Variants in LRRIQ3 observed in about 807,000 individuals in gnomAD.
LRRIQ3 encodes leucine rich repeats and IQ motif containing 3.
In LRRIQ3, 75 loss-of-function variants were observed where a neutral mutation model predicts 59.3. That is an observed-to-expected ratio of 1.26 (90% CI 1.05 to 1.53). The LOEUF (loss-of-function observed/expected upper bound fraction) is 1.53, where lower values mean the gene tolerates loss of function less well. Ranked by LOEUF, LRRIQ3 falls within the 40% of genes most tolerant of loss-of-function variation. The probability of loss-of-function intolerance (pLI) is 0.00; values close to 1 mark genes in which losing one functional copy is unlikely to be tolerated. For synonymous variants in LRRIQ3, 250 were observed against 231.3 expected (o/e 1.08, Z -0.73); for missense variants, 831 against 710.0 (o/e 1.17, Z -1.94).
At chr1:74,180,440 T>C (rs1649908749) in intron 3 of LRRIQ3, 2 of 320,784 alleles carry the variant, frequency 6.2e-6, no homozygotes, top group Admixed American at 4.6e-5. Context: ...TTGTTTTTCA[T>C]TTCCAATGTC....
chr1:74,194,324 T>C (rs1251241152), intron 1 of LRRIQ3, among the ~76,000 whole-genome samples: 1 of 152,284 alleles, frequency 6.6e-6, no homozygotes, highest in East Asian at 1.9e-4. Flanking sequence ...GTCAGACTAG[T>C]ACATGTGTCC....
chr1:74,050,295 CA>C (rs1447960568), intron 6 of LRRIQ3, among the ~76,000 whole-genome samples: 2 of 152,096 alleles, frequency 1.3e-5, no homozygotes, highest in African/African-American at 4.8e-5. Context: ...ATAACTTCCA[CA>C]AACTGAATTT....
In LRRIQ3 at chr1:74,101,088, C is replaced by T. The variant is rs182350844; in HGVS notation, c.867+8306G>A. On this transcript the variant is annotated intron_variant, in intron 5 of 7. Transcript: ENST00000354431. Reference sequence around the variant, plus strand: ...TCTAATTGAACTAAAGAGCTCTGCACAGCAAAAGAAACTACCATCAGAGTG... The same window carrying T: ...TCTAATTGAACTAAAGAGCTCTGCATAGCAAAAGAAACTACCATCAGAGTG... Among the ~76,000 whole-genome samples, 183 of 152,224 alleles carry T rather than the reference C, an allele frequency of 1.2e-3. 1 individual carries two copies. The highest frequency in any genetic ancestry group is 4.4e-3 in the African/African-American group (181 of 41,538).
intron 4 of LRRIQ3, among the ~76,000 whole-genome samples, chr1:74,110,211 A>G (rs1385610903): frequency 1.3e-5 from 2 of 151,924 alleles, no homozygotes; most frequent in Admixed American, 1.3e-4. Context: ...ATTAAAAACA[A>G]AGAAAGGATG....
chr1:74,085,138 T>G (rs1042137208), intron 5 of LRRIQ3, among the ~76,000 whole-genome samples: 1 of 151,856 alleles, frequency 6.6e-6, no homozygotes, highest in African/African-American at 2.4e-5. Flanking sequence ...TATTTTATAT[T>G]AGGGCAGTAG....
At chr1:74,031,780 A>T (rs1018266994) in intron 7 of LRRIQ3, among the ~76,000 whole-genome samples, 9 of 152,090 alleles carry the variant, frequency 5.9e-5, no homozygotes, top group African/African-American at 1.9e-4. Flanking sequence ...TATTTAAAAA[A>T]GTCTTAGAGA....
At chr1:74,131,522 C>A (rs1647019963) in intron 4 of LRRIQ3, among the ~76,000 whole-genome samples, 1 of 152,134 alleles carries the variant, frequency 6.6e-6, no homozygotes, top group African/African-American at 2.4e-5. Flanking sequence ...AAAAGCTTAT[C>A]CACCATGATC....
At chr1:74,104,826 G>A (rs1243465547) in intron 5 of LRRIQ3, among the ~76,000 whole-genome samples, 6 of 151,990 alleles carry the variant, frequency 3.9e-5, no homozygotes, top group African/African-American at 1.4e-4. Context: ...GACTTTAGGT[G>A]ATAATGATGT....
chr1:74,048,270 C>T (rs985308066), intron 6 of LRRIQ3, among the ~76,000 whole-genome samples: 5 of 152,166 alleles, frequency 3.3e-5, no homozygotes, highest in Non-Finnish European at 7.3e-5. Context: ...AGACATTGAT[C>T]ACCCTGGGAT....
intron 4 of LRRIQ3, among the ~76,000 whole-genome samples, chr1:74,137,125 T>C (rs546274914): frequency 6.6e-6 from 1 of 152,004 alleles, no homozygotes; most frequent in South Asian, 2.1e-4. Context: ...TAACAGACAA[T>C]ATATCTAGTA....
At chr1:74,091,979 AGCCTTCCTTGC>A (rs1421281781) in intron 5 of LRRIQ3, among the ~76,000 whole-genome samples, 1 of 9,444 alleles carries the variant, frequency 1.1e-4, no homozygotes, top group East Asian at 0.038. Context: ...TACATATTTC[AGCCTTCCTTGC>A]AGCTGAATGT....
chr1:74,183,614 C>G lies in LRRIQ3; in HGVS notation c.71G>C (p.Arg24Thr), dbSNP rs146304949. ...AAAAACAAAATCTTTTTGACCTTCT[C>G]TTATGTTTTCATTATAGTGACTCCA... ...EEWSHYNENI[R>T]EGQKDFVFVK... The change falls in exon 2 of 8, where the codon AGA becomes ACA. Residue 24 changes from arginine to threonine, a missense_variant. Coordinates refer to ENST00000354431, the MANE Select transcript of LRRIQ3 (RefSeq NM_001105659.2). The G allele has an allele frequency of 3.7e-6, 6 of 1,611,924 alleles. No homozygotes were observed. Among genetic ancestry groups the G allele is most frequent in the Non-Finnish European group, 5.1e-6 (6 of 1,178,744 alleles).
intron 5 of LRRIQ3, among the ~76,000 whole-genome samples, chr1:74,093,621 G>C (rs989937389): frequency 6.6e-6 from 1 of 152,062 alleles, no homozygotes; most frequent in Non-Finnish European, 1.5e-5. Flanking sequence ...TTCAATATAG[G>C]AGTACTTCCA....
chr1:74,157,452 C>T (rs541577867), intron 3 of LRRIQ3, among the ~76,000 whole-genome samples: 4 of 152,166 alleles, frequency 2.6e-5, no homozygotes, highest in African/African-American at 9.6e-5. Flanking sequence ...TATAACTTTA[C>T]CTATCCTTAA....
chr1:74,048,829 T>C (rs1570026204), intron 6 of LRRIQ3, among the ~76,000 whole-genome samples: 1 of 152,194 alleles, frequency 6.6e-6, no homozygotes, highest in South Asian at 2.1e-4. Flanking sequence ...GTTTGTTGTG[T>C]ATAAGACACT....
chr1:74,032,825 C>T (rs779025037), intron 7 of LRRIQ3, among the ~76,000 whole-genome samples: 11 of 151,788 alleles, frequency 7.2e-5, no homozygotes, highest in Non-Finnish European at 1.3e-4. Flanking sequence ...AACACAGCAG[C>T]CTTACATTAC....
chr1:74,147,822 T>C (rs1169046973), intron 4 of LRRIQ3, among the ~76,000 whole-genome samples: 2 of 152,186 alleles, frequency 1.3e-5, no homozygotes, highest in African/African-American at 4.8e-5. Context: ...TGTGGGTCTA[T>C]ATGTTTTGCA....
chr1:74,046,219 T>C lies in LRRIQ3; in HGVS notation c.998-4286A>G, dbSNP rs533074500. ...CTGACTTCAAACTATACTACAAGGC[T>C]ACAGTAACACAAACAGCATGGTACT... On this transcript the variant is annotated intron_variant, in intron 6 of 7. Coordinates refer to ENST00000354431, the MANE Select transcript of LRRIQ3 (RefSeq NM_001105659.2). 1.8e-3 allele frequency among the ~76,000 whole-genome samples: 269 copies of C among 152,248 alleles called. 1 individual carries two copies. The highest frequency in any genetic ancestry group is 2.9e-3 in the Non-Finnish European group (196 of 68,010).
chr1:74,195,905 G>C (rs1242878849), intron 1 of LRRIQ3, among the ~76,000 whole-genome samples: 2 of 151,986 alleles, frequency 1.3e-5, no homozygotes, highest in Non-Finnish European at 2.9e-5. Context: ...TTTTATTATA[G>C]TGAATATGAA....
Sources: allele counts gnomAD v4.1 joint callset (sites outside exome capture counted in the v4.1 genomes callset), GRCh38; gene constraint gnomAD v4.1.1; transcripts MANE v1.5; gene names NCBI Gene and HGNC (gene_info 2026-07-23, HGNC 2026-07-21).